The following ZNF311 variants were observed in gnomAD, a reference collection of about 807,000 sequenced individuals.
ZNF311 encodes the protein zinc finger protein 311.
ZNF311 carries 14 observed loss-of-function variants against 22.7 expected under a neutral mutation model. The ratio of observed to expected loss-of-function variants is 0.62; its 90% CI spans 0.41 to 0.96. The LOEUF (loss-of-function observed/expected upper bound fraction) is 0.96. Among genes scored for constraint, ZNF311 ranks in the 40% least tolerant of loss-of-function variants. The probability of loss-of-function intolerance (pLI) is 0.00; values close to 1 mark genes in which losing one functional copy is unlikely to be tolerated. For missense variants in ZNF311, 731 were observed against 799.0 expected, an observed-to-expected ratio of 0.91 and a Z score of 1.03; for synonymous variants, 250 against 275.3, an observed-to-expected ratio of 0.91 and a Z score of 0.91.
Position 28,996,319 on chromosome 6 carries a change from A to C in ZNF311, c.683T>G (p.Leu228Trp). 1 of 1,612,856 alleles carries C rather than the reference A, an allele frequency of 6.2e-7. No individual in the cohort carries two copies. The highest frequency in any genetic ancestry group is 8.5e-7 in the Non-Finnish European group (1 of 1,180,016). The change falls in exon 7 of 7, where the codon TTG (leucine) becomes TGG (tryptophan). Residue 228 changes from leucine to tryptophan, a missense_variant. Coordinates refer to ENST00000377179, the MANE Select transcript of ZNF311 (RefSeq NM_001382360.1). The part of the protein sequence containing the change: ...GKNQKVLSKN[L>W]NPNSKHSQCN... ...TTGACTATGTTTTGAGTTTGGATTC[A>C]AGTTTTTACTAAGCACTTTCTGGTT...
rs1273287191 is a variant in ZNF311 at position 28,995,969 on chromosome 6, G to A, written c.1033C>T (p.Arg345Cys). 15 of 1,613,502 alleles carry A rather than the reference G, an allele frequency of 9.3e-6. No individual in the cohort carries two copies. Among genetic ancestry groups the A allele is most frequent in the Admixed American group, 5.0e-5 (3 of 59,986 alleles). ...TGGATAAGCTGATGCATACAGAGAC[G>A]GTTCCTGGTCTTGAAGGCCTTCCCA... ...DCGKAFKTRN[R>C]LCMHQLIHTG... The change falls in exon 7 of 7, where the codon CGT (arginine) becomes TGT (cysteine). Residue 345 changes from arginine to cysteine, a missense_variant. Physicochemically the swap from Arg to Cys is radical, Grantham distance 180. Transcript: ENST00000377179. This position sits in a 1 kb window ranked among gnomAD's most constrained non-coding sequence, Gnocchi z 4.7.
At chr6:28,998,611 T>TA (rs1490993099) in intron 6 of ZNF311, 123 bp downstream of exon 6, 1 of 652,448 alleles carries the variant, frequency 1.5e-6, no homozygotes. Flanking sequence ...TTCTTTTCCT[T>TA]AAGTTTCCTA....
At chr6:29,003,771 CA>C in intron 2 of ZNF311, 174 bp downstream of exon 2, 1 of 1,469,550 alleles carries the variant, frequency 6.8e-7, no homozygotes, top group Non-Finnish European at 9.3e-7. Context: ...ATGGCATCTA[CA>C]ACTACAAAGC....
At chr6:29,004,325 A>C in intron 1 of ZNF311, 111 bp from the exon 2 acceptor site, 2 of 633,862 alleles carry the variant, frequency 3.2e-6, no homozygotes, top group East Asian at 1.2e-4. Context: ...TCCAGAATAC[A>C]ATCTCAACGG....
At position 28,995,248 on chromosome 6, in the gene ZNF311, C is replaced by A. The variant is rs1779310695; in HGVS notation, c.1754G>T (p.Cys585Phe). The change falls in exon 7 of 7, where the codon TGC (cysteine) becomes TTC (phenylalanine). Residue 585 changes from cysteine (C) to phenylalanine (F), a missense_variant. By Grantham distance (205) the Cys-to-Phe change is radical (BLOSUM62 -2). Coordinates refer to ENST00000377179, the MANE Select transcript of ZNF311 (RefSeq NM_001382360.1). This position sits in a 1 kb window ranked among gnomAD's most constrained non-coding sequence, Gnocchi z 4.7. Reference sequence around the variant, plus strand: ...ACGGAAGGACGTGCCACACTCACTGCAGGTGTATGGCTTCTCACCAGTGTG... The same window carrying A: ...ACGGAAGGACGTGCCACACTCACTGAAGGTGTATGGCTTCTCACCAGTGTG... ...RIHTGEKPYT[C>F]SECGTSFRQG... 6.2e-7 allele frequency: 1 copy of A among 1,613,966 alleles called. No homozygotes were observed. The highest frequency in any genetic ancestry group is 8.5e-7 in the Non-Finnish European group (1 of 1,180,058).
At chr6:29,000,743 A>G (rs2150703674) in intron 3 of ZNF311, among the ~76,000 whole-genome samples, 1 of 152,072 alleles carries the variant, frequency 6.6e-6, no homozygotes, top group African/African-American at 2.4e-5. Context: ...CCAAGTGTTC[A>G]GGTATAATCC....
intron 6 of ZNF311, among the ~76,000 whole-genome samples, chr6:28,997,729 G>T (rs1000509969): frequency 6.6e-6 from 1 of 152,200 alleles, no homozygotes; most frequent in African/African-American, 2.4e-5. Flanking sequence ...GCTCTAGAGT[G>T]AGACTGCCTG....
chr6:28,996,190 C>G lies in ZNF311; in HGVS notation c.812G>C (p.Gly271Ala). The G allele has an allele frequency of 6.2e-7, 1 of 1,613,526 alleles. No homozygotes were observed. The highest frequency in any genetic ancestry group is 8.5e-7 in the Non-Finnish European group (1 of 1,180,052). ...DLILHEQIHSGEKPHVCNECG... is the reference protein window; with the variant it reads ...DLILHEQIHSAEKPHVCNECG... Reference sequence around the variant, plus strand: ...CTCATTACACACATGGGGTTTCTCACCAGAATGAATTTGCTCATGGAGAAT... The same window carrying G: ...CTCATTACACACATGGGGTTTCTCAGCAGAATGAATTTGCTCATGGAGAAT... Residue 271 changes from glycine to alanine, a missense_variant, in exon 7 of 7, where the codon GGT becomes GCT. Physicochemically the swap from Gly to Ala is moderately conservative, Grantham distance 60. Transcript: ENST00000377179.
chr6:28,999,442 T>TA (rs746187429), intron 5 of ZNF311, 45 bp downstream of exon 5: 7 of 1,513,452 alleles, frequency 4.6e-6, no homozygotes, highest in South Asian at 1.4e-5. Flanking sequence ...AATTAAATAA[T>TA]AAAAAAAGAA....
At chr6:29,003,456 G>T in intron 3 of ZNF311, 57 bp downstream of exon 3, 1 of 1,545,486 alleles carries the variant, frequency 6.5e-7, no homozygotes, top group Non-Finnish European at 8.9e-7. Flanking sequence ...CCCACTCTGT[G>T]TCCTTACTAC....
chr6:29,004,611 A>G (rs1780930870), intron 1 of ZNF311, among the ~76,000 whole-genome samples: 3 of 152,040 alleles, frequency 2.0e-5, no homozygotes, highest in Non-Finnish European at 4.4e-5. Context: ...GCTCTGCTGA[A>G]AACTCTCCAG....
chr6:28,995,203 C>G lies in ZNF311; in HGVS notation c.1799G>C (p.Gly600Ala). 1 of 1,614,086 alleles carries G rather than the reference C, an allele frequency of 6.2e-7. No homozygotes were observed. Among genetic ancestry groups the G allele is most frequent in the Non-Finnish European group, 8.5e-7 (1 of 1,180,030 alleles). Reference protein sequence around the residue: ...TSFRQGSALIGHKRVHTGEKP... With the variant: ...TSFRQGSALIAHKRVHTGEKP... Reference sequence around the variant, plus strand: ...CTCCCCAGTATGAACTCGCTTATGTCCAATCAGAGCTGAGCCCTGACGGAA... The same window carrying G: ...CTCCCCAGTATGAACTCGCTTATGTGCAATCAGAGCTGAGCCCTGACGGAA... Residue 600 changes from glycine (G) to alanine (A), a missense_variant, in exon 7 of 7, where the codon GGA (glycine) becomes GCA (alanine). Gly to Ala is a moderately conservative substitution (Grantham distance 60). Transcript: ENST00000377179. This position sits in a 1 kb window ranked among gnomAD's most constrained non-coding sequence, Gnocchi z 4.7.
intron 3 of ZNF311, among the ~76,000 whole-genome samples, chr6:29,002,681 C>T (rs1197919424): frequency 2.0e-5 from 3 of 150,208 alleles, no homozygotes; most frequent in African/African-American, 7.4e-5. Flanking sequence ...AGTGCAGTGG[C>T]ATGATCTCAG....
At chr6:29,000,100 CT>C in intron 3 of ZNF311, 53 bp from the exon 4 acceptor site, 6 of 1,519,006 alleles carry the variant, frequency 3.9e-6, no homozygotes, top group Non-Finnish European at 4.5e-6. Flanking sequence ...TTAATGAAAT[CT>C]CCTGCATTCG....
In ZNF311 at chr6:28,996,028, TG is replaced by T; in HGVS notation, c.973del (p.His325ThrfsTer82). On this transcript the variant is annotated frameshift_variant, in exon 7 of 7. Coordinates refer to ENST00000377179, the MANE Select transcript of ZNF311 (RefSeq NM_001382360.1). LOFTEE classifies it low-confidence loss of function (END_TRUNC). Reference protein sequence around the residue: ...RSALCRHKKTHSGEKPHECRD... With the variant: ...RSALCRHKKTXSGEKPHECRD... ...GCACTCGTGAGGCTTCTCCCCACTG[TG>T]GGTTTTTTTATGTCGGCAAAGAGCT... 6.2e-7 allele frequency: 1 copy of T among 1,613,518 alleles called. No individual in the cohort carries two copies. Among genetic ancestry groups the T allele is most frequent in the Non-Finnish European group, 8.5e-7 (1 of 1,180,028 alleles).
intron 3 of ZNF311, 152 bp downstream of exon 3, chr6:29,003,361 C>G (rs866301509): frequency 1.5e-6 from 1 of 663,270 alleles, no homozygotes; most frequent in African/African-American, 1.8e-5. Flanking sequence ...AGATATTGAT[C>G]CAAGCCTCGT....
rs189924219 is a variant in ZNF311 at position 28,996,342 on chromosome 6, G to C, written c.660C>G (p.Asn220Lys). The C allele has an allele frequency of 3.2e-5, 51 of 1,612,514 alleles. 1 individual carries two copies. In the East Asian group the frequency reaches 1.1e-3, roughly 35 times the overall value. The change falls in exon 7 of 7, where the codon AAC becomes AAG. Residue 220 changes from asparagine (N) to lysine (K), a missense_variant. By Grantham distance (94) the Asn-to-Lys change is moderately conservative. Coordinates refer to ENST00000377179, the MANE Select transcript of ZNF311 (RefSeq NM_001382360.1). Reference sequence around the variant, plus strand: ...TCAAGTTTTTACTAAGCACTTTCTGGTTCTTTCCTTTTTTGCAGGTCACTT... The same window carrying C: ...TCAAGTTTTTACTAAGCACTTTCTGCTTCTTTCCTTTTTTGCAGGTCACTT... The part of the protein sequence containing the change: ...SEEVTCKKGK[N>K]QKVLSKNLNP...
intron 1 of ZNF311, 137 bp downstream of exon 1, chr6:29,004,871 C>G (rs1780973884): frequency 6.6e-6 from 1 of 152,200 alleles, no homozygotes; most frequent in African/African-American, 2.4e-5. Context: ...CTCCCTTCAC[C>G]TTAAGCGATC....
intron 3 of ZNF311, among the ~76,000 whole-genome samples, chr6:29,001,930 T>C (rs1780496614): frequency 6.6e-6 from 1 of 152,234 alleles, no homozygotes; most frequent in East Asian, 1.9e-4. Flanking sequence ...AATTTACATA[T>C]AATGAAATGC....
Sources: allele counts gnomAD v4.1 joint callset (sites outside exome capture counted in the v4.1 genomes callset), GRCh38; gene constraint gnomAD v4.1.1; non-coding constraint Gnocchi (gnomAD v3.1); transcripts MANE v1.5; gene names NCBI Gene and HGNC (gene_info 2026-07-23, HGNC 2026-07-21).